DDX50: variants seen among roughly 807,000 people sequenced by gnomAD.
The protein encoded by DDX50 is ATP-dependent RNA helicase DDX50.
A neutral mutation model predicts 94.8 loss-of-function variants in DDX50; 56 were observed. The observed-to-expected ratio is 0.59, with a 90% CI of 0.48 to 0.74. The LOEUF (loss-of-function observed/expected upper bound fraction) is 0.74. Among genes scored for constraint, DDX50 ranks in the 30% least tolerant of loss-of-function variants. DDX50 has a pLI of 0.00. For missense variants in DDX50, 713 were observed against 881.2 expected (o/e 0.81, Z 2.42); for synonymous variants, 264 against 295.4 (o/e 0.89, Z 1.09).
At chr10:68,925,301 G>C (rs1275526638) in intron 8 of DDX50, among the ~76,000 whole-genome samples, 3 of 151,386 alleles carry the variant, frequency 2.0e-5, no homozygotes, top group Non-Finnish European at 4.4e-5. Context: ...GTAGAGACAG[G>C]GTTTCTTCAT....
chr10:68,941,628 G>GTAT (rs1448251664), intron 13 of DDX50, among the ~76,000 whole-genome samples: 9 of 151,110 alleles, frequency 6.0e-5, no homozygotes, highest in Non-Finnish European at 8.9e-5. Context: ...TGGCCTTTTT[G>GTAT]TATTATTATT....
At chr10:68,943,357 A>T (rs556086775) in intron 14 of DDX50, 100 bp downstream of exon 14, 1 of 938,216 alleles carries the variant, frequency 1.1e-6, no homozygotes, top group Admixed American at 2.7e-5. Context: ...TATCATGCCT[A>T]AATCAATGAG....
At chr10:68,910,186 C>CAAAAA in intron 2 of DDX50, 121 bp from the exon 3 acceptor site, 1 of 683,248 alleles carries the variant, frequency 1.5e-6, no homozygotes, top group South Asian at 1.7e-5. Context: ...GACCCTGTTT[C>CAAAAA]AAAAAAAAAA....
chr10:68,904,125 C>T (rs1841373586), intron 1 of DDX50, among the ~76,000 whole-genome samples: 1 of 144,494 alleles, frequency 6.9e-6, no homozygotes. Flanking sequence ...ATCTGGGCAA[C>T]AAGAGCGAAA....
intron 2 of DDX50, 43 bp downstream of exon 2, chr10:68,907,050 T>G: frequency 6.5e-7 from 1 of 1,540,548 alleles, no homozygotes; most frequent in Admixed American, 2.3e-5. Flanking sequence ...GTTGTTGAAC[T>G]ATAGGTTGAT....
chr10:68,944,464 CTT>C (rs1359194237), intron 14 of DDX50, among the ~76,000 whole-genome samples: 1 of 152,100 alleles, frequency 6.6e-6, no homozygotes, highest in Non-Finnish European at 1.5e-5. Context: ...CTTTCGAAGT[CTT>C]TTTAAAAATT....
At chr10:68,909,664 T>C (rs555041297) in intron 2 of DDX50, among the ~76,000 whole-genome samples, 23 of 152,298 alleles carry the variant, frequency 1.5e-4, no homozygotes, top group African/African-American at 5.3e-4. Context: ...CTTTTTTTTT[T>C]TCTTGTTCTT....
intron 7 of DDX50, among the ~76,000 whole-genome samples, chr10:68,919,250 C>G (rs1028271799): frequency 6.6e-6 from 1 of 152,168 alleles, no homozygotes; most frequent in Non-Finnish European, 1.5e-5. Flanking sequence ...GTTTCATTCA[C>G]TTAGCATAAT....
At chr10:68,923,763 C>G (rs956554928) in intron 8 of DDX50, among the ~76,000 whole-genome samples, 1 of 149,016 alleles carries the variant, frequency 6.7e-6, no homozygotes, top group Non-Finnish European at 1.5e-5. Flanking sequence ...AGGCTGGTCT[C>G]GAACTGCTGA....
chr10:68,928,413 G>A (rs540831883), intron 8 of DDX50, among the ~76,000 whole-genome samples: 56 of 152,054 alleles, frequency 3.7e-4, no homozygotes, highest in Non-Finnish European at 6.8e-4. Context: ...GCTTACATCT[G>A]TAATCCCAGC....
intron 4 of DDX50, 111 bp from the exon 5 acceptor site, chr10:68,913,051 C>T (rs1841679067): frequency 1.3e-6 from 1 of 789,098 alleles, no homozygotes; most frequent in Admixed American, 2.8e-5. Flanking sequence ...AATACTTCGA[C>T]ATTAATGTTG....
At position 68,934,078 on chromosome 10, in the gene DDX50, A is replaced by G; in HGVS notation, c.1240-121A>G. Reference sequence around the variant, plus strand: ...CTTTTTTTTTTTACAGTAAGCATGCATTGTTAAAATCATCAAAGTAAGATT... The same window carrying G: ...CTTTTTTTTTTTACAGTAAGCATGCGTTGTTAAAATCATCAAAGTAAGATT... On this transcript the variant is annotated intron_variant, in intron 8 of 14. Transcript: ENST00000373585. The surrounding 1 kb of genome is among the most constrained non-coding windows in gnomAD (Gnocchi z 4.0). The G allele has an allele frequency of 2.1e-6, 2 of 948,448 alleles. No homozygotes were observed. Among genetic ancestry groups the G allele is most frequent in the Non-Finnish European group, 2.9e-6 (2 of 680,420 alleles). The allele number at this position is 948,448 out of a possible 1,614,324, so 58.8% of individuals were successfully genotyped here.
At chr10:68,937,706 C>G (rs967762184) in intron 12 of DDX50, among the ~76,000 whole-genome samples, 7 of 152,050 alleles carry the variant, frequency 4.6e-5, no homozygotes, top group African/African-American at 1.4e-4. Context: ...CTGTCTCACC[C>G]TCCTGAGTAG....
intron 8 of DDX50, among the ~76,000 whole-genome samples, chr10:68,921,673 T>C (rs770100657): frequency 2.0e-5 from 3 of 152,208 alleles, no homozygotes; most frequent in Non-Finnish European, 2.9e-5. Flanking sequence ...AGTAGATTCC[T>C]GAGAAAGGGC....
intron 2 of DDX50, among the ~76,000 whole-genome samples, chr10:68,909,130 G>C (rs1327273913): frequency 6.6e-6 from 1 of 152,074 alleles, no homozygotes; most frequent in Admixed American, 6.6e-5. Context: ...CTGGCCGACA[G>C]TGTATTATTT....
chr10:68,910,473 G>T, intron 3 of DDX50, 91 bp downstream of exon 3: 1 of 1,003,452 alleles, frequency 1.0e-6, no homozygotes, highest in East Asian at 2.8e-5. Context: ...GGCAGTCTTG[G>T]CTCACTGCAA....
At chr10:68,942,123 T>C (rs890459110) in intron 13 of DDX50, among the ~76,000 whole-genome samples, 8 of 152,324 alleles carry the variant, frequency 5.3e-5, no homozygotes, top group Admixed American at 2.6e-4. Context: ...TAGCTTATGA[T>C]TGCAGTAGTT....
chr10:68,913,377 C>T lies in DDX50; in HGVS notation c.758-14C>T, dbSNP rs1589252745. ...TGAATTTTACATATTGGTGGCATTT[C>T]TCTCTTCTCACAGTTAATCATATTC... On this transcript the variant is annotated splice_polypyrimidine_tract_variant and intron_variant, in intron 5 of 14. Coordinates refer to ENST00000373585, the MANE Select transcript of DDX50 (RefSeq NM_024045.2). 1.2e-6 allele frequency: 2 copies of T among 1,606,262 alleles called. No homozygotes were observed. Among genetic ancestry groups the T allele is most frequent in the Non-Finnish European group, 1.7e-6 (2 of 1,176,512 alleles).
intron 8 of DDX50, among the ~76,000 whole-genome samples, chr10:68,930,512 G>A (rs1241449446): frequency 6.6e-6 from 1 of 152,198 alleles, no homozygotes; most frequent in African/African-American, 2.4e-5. Context: ...ACTCCCTTGA[G>A]TATGTCCTTC....
Sources: allele counts gnomAD v4.1 joint callset (sites outside exome capture counted in the v4.1 genomes callset), GRCh38; gene constraint gnomAD v4.1.1; non-coding constraint Gnocchi (gnomAD v3.1); transcripts MANE v1.5; gene names NCBI Gene and HGNC (gene_info 2026-07-23, HGNC 2026-07-21).